The following CAND1 variants were observed in gnomAD, a reference collection of about 807,000 sequenced individuals.
CAND1 encodes the protein cullin-associated NEDD8-dissociated protein 1.
In CAND1, 7 loss-of-function variants were observed where a neutral mutation model predicts 108.5. The ratio of observed to expected loss-of-function variants is 0.06; its 90% CI spans 0.04 to 0.12. The LOEUF is 0.12. Ranked by LOEUF, CAND1 falls within the 10% of genes least tolerant of loss-of-function variation. The pLI, the probability that CAND1 is intolerant of heterozygous loss-of-function variation, is 1.00. For missense variants in CAND1, 941 were observed against 1,448.7 expected, an observed-to-expected ratio of 0.65 and a Z score of 5.69; for synonymous variants, 534 against 512.0, an observed-to-expected ratio of 1.04 and a Z score of -0.58.
At chr12:67,294,230 A>G (rs1473892665) in intron 3 of CAND1, among the ~76,000 whole-genome samples, 1 of 152,140 alleles carries the variant, frequency 6.6e-6, no homozygotes, top group African/African-American at 2.4e-5. Flanking sequence ...TCAGATTCTT[A>G]CTTTCACAGT....
rs115284440 is a variant in CAND1 at position 67,295,614 on chromosome 12, T to A, written c.491+458T>A. ...TTGCTTTTTCACTTTCCTTTGGAAG[T>A]CAGATGTTAGAACATAGACAGACCT... On this transcript the variant is annotated intron_variant, in intron 4 of 14. Coordinates refer to ENST00000545606, the MANE Select transcript of CAND1 (RefSeq NM_018448.5). 2.7e-3 allele frequency among the ~76,000 whole-genome samples: 405 copies of A among 152,270 alleles called. 1 individual carries two copies. Among genetic ancestry groups the A allele is most frequent in the African/African-American group, 9.5e-3 (395 of 41,552 alleles).
chr12:67,269,966 C>T, intron 1 of CAND1, 181 bp downstream of exon 1: 1 of 554,900 alleles, frequency 1.8e-6, no homozygotes, highest in Non-Finnish European at 3.2e-6. Context: ...TCCCCTCTTG[C>T]AACCCCCTCC....
intron 1 of CAND1, among the ~76,000 whole-genome samples, chr12:67,271,044 TG>T (rs2044516342): frequency 6.6e-6 from 1 of 152,224 alleles, no homozygotes; most frequent in South Asian, 2.1e-4. Flanking sequence ...ATTGATATAC[TG>T]GCTTATTAAA....
Position 67,282,166 on chromosome 12 carries a change from G to T in CAND1, c.212+113G>T, listed in dbSNP as rs909769906. 37 of 1,110,672 alleles carry T rather than the reference G, an allele frequency of 3.3e-5. No individual in the cohort carries two copies. The Admixed American group carries it at 3.5e-4, about 10-fold the overall frequency. 68.8% of individuals were successfully genotyped at this position (1,110,672 alleles called of 1,614,324 possible). On this transcript the variant is annotated intron_variant, in intron 2 of 14. Coordinates refer to ENST00000545606, the MANE Select transcript of CAND1 (RefSeq NM_018448.5). ...GCCTTGTACTATCTCTTTCTAGTGT[G>T]TGTGTGTAGAATTTTTAGGTGACTA... is the stretch of plus-strand genomic sequence containing the variant.
At position 67,312,861 on chromosome 12, in the gene CAND1, T is replaced by A. The variant is rs1347734613; in HGVS notation, c.*31T>A. 1.5e-6 allele frequency: 2 copies of A among 1,371,774 alleles called. No homozygotes were observed. The highest frequency in any genetic ancestry group is 1.8e-5 in the Admixed American group (1 of 54,650). 85.0% of individuals were successfully genotyped at this position (1,371,774 alleles called of 1,614,324 possible). On this transcript the variant is annotated 3_prime_UTR_variant, in exon 15 of 15. Transcript: ENST00000545606. ...TGTTCACCATGGGGACCATTACATA[T>A]GACCATACAATGCACTGAATTGACA...
intron 14 of CAND1, among the ~76,000 whole-genome samples, 181 bp from the exon 15 acceptor site, chr12:67,312,425 C>T (rs2044961363): frequency 6.6e-6 from 1 of 151,664 alleles, no homozygotes; most frequent in African/African-American, 2.4e-5. Context: ...TAAAATATTC[C>T]CTTAAAAGAA....
At chr12:67,285,179 C>G (rs1000707345) in intron 2 of CAND1, among the ~76,000 whole-genome samples, 101 of 152,124 alleles carry the variant, frequency 6.6e-4, no homozygotes, top group African/African-American at 2.4e-3. Flanking sequence ...ACAGTGGTGA[C>G]CTTGTATTGC....
intron 1 of CAND1, chr12:67,270,013 C>G (rs779471626): frequency 7.9e-6 from 4 of 503,570 alleles, no homozygotes; most frequent in Non-Finnish European, 1.4e-5. Context: ...CCGCCGCGGT[C>G]TCTAGGCCCC....
chr12:67,316,149 A>G lies in CAND1; in HGVS notation c.*3319A>G, dbSNP rs2045005614. ...TTCAAACCACTGCTACCCCAGATTC[A>G]TACCTGTTTTTGAAATCTTGTTTAT... On this transcript the variant is annotated 3_prime_UTR_variant, in exon 15 of 15. Transcript: ENST00000545606. 6.6e-6 allele frequency: 1 copy of G among 152,212 alleles called. No homozygotes were observed. Among genetic ancestry groups the G allele is most frequent in the Non-Finnish European group, 1.5e-5 (1 of 68,030 alleles). The allele number at this position is 152,212 out of a possible 1,614,324, so 9.4% of individuals were successfully genotyped here.
chr12:67,281,270 C>T (rs925255436), intron 1 of CAND1, among the ~76,000 whole-genome samples: 2 of 151,756 alleles, frequency 1.3e-5, no homozygotes, highest in African/African-American at 2.4e-5. Flanking sequence ...GCGGAGGTTG[C>T]GGTGAGCCGA....
intron 11 of CAND1, 140 bp from the exon 12 acceptor site, chr12:67,309,761 A>C: frequency 1.7e-6 from 1 of 573,916 alleles, no homozygotes; most frequent in Non-Finnish European, 3.0e-6. Context: ...TTAGTGTTTC[A>C]TCAGGTTCTT....
chr12:67,304,506 A>G (rs1265815868), intron 8 of CAND1, 99 bp from the exon 9 acceptor site: 2 of 1,285,330 alleles, frequency 1.6e-6, no homozygotes, highest in East Asian at 2.3e-5. Context: ...ACAAAAAAAG[A>G]TAAACTCTTC....
rs76825660 is a variant in CAND1 at position 67,313,954 on chromosome 12, T to G, written c.*1124T>G. 6.5e-6 allele frequency: 1 copy of G among 152,728 alleles called. No homozygotes were observed. The highest frequency in any genetic ancestry group is 1.5e-5 in the Non-Finnish European group (1 of 67,996). 9.5% of individuals were successfully genotyped at this position (152,728 alleles called of 1,614,324 possible). On this transcript the variant is annotated 3_prime_UTR_variant, in exon 15 of 15. Transcript: ENST00000545606. ...GAATTTACATATTGTATTGGGTAAG[T>G]GTTCACTACTTTTCCTGATTAAGGG...
Position 67,298,990 on chromosome 12 carries a change from A to G in CAND1, c.895A>G (p.Asn299Asp). 1 of 1,534,334 alleles carries G rather than the reference A, an allele frequency of 6.5e-7. No homozygotes were observed. Among genetic ancestry groups the G allele is most frequent in the Non-Finnish European group, 9.0e-7 (1 of 1,109,546 alleles). The change falls in exon 7 of 15, where the codon AAT becomes GAT. Residue 299 changes from asparagine to aspartate, a missense_variant. Coordinates refer to ENST00000545606, the MANE Select transcript of CAND1 (RefSeq NM_018448.5). ...ATATCCTCATGTTTCTACCATTATA[A>G]ATATTTGTCTTAAATATCTTACCTA... ...EVYPHVSTII[N>D]ICLKYLTYDP...
At position 67,315,067 on chromosome 12, in the gene CAND1, C is replaced by A. The variant is rs1004147677; in HGVS notation, c.*2237C>A. The stretch of plus-strand genomic sequence containing the variant: ...CTTAGGAATTTGTCACATGTAGGTT[C>A]CTGAGGAGATCTAAAAGTTAATACA... On this transcript the variant is annotated 3_prime_UTR_variant, in exon 15 of 15. Coordinates refer to ENST00000545606, the MANE Select transcript of CAND1 (RefSeq NM_018448.5). The A allele has an allele frequency of 1.1e-4, 17 of 152,240 alleles. No individual in the cohort carries two copies. The highest frequency in any genetic ancestry group is 3.3e-4 in the Admixed American group (5 of 15,282). 9.4% of individuals were successfully genotyped at this position (152,240 alleles called of 1,614,324 possible).
chr12:67,285,558 G>A (rs552333657), intron 2 of CAND1, among the ~76,000 whole-genome samples: 1 of 152,224 alleles, frequency 6.6e-6, no homozygotes, highest in South Asian at 2.1e-4. Flanking sequence ...AAGCAGTGAG[G>A]TAGTGGGGCA....
intron 7 of CAND1, among the ~76,000 whole-genome samples, chr12:67,301,586 G>C (rs2044825280): frequency 6.6e-6 from 1 of 152,128 alleles, no homozygotes; most frequent in African/African-American, 2.4e-5. Flanking sequence ...ACAATTCTTA[G>C]TGCTTTTGCT....
At chr12:67,308,122 G>T (rs921840855) in intron 11 of CAND1, among the ~76,000 whole-genome samples, 1 of 151,920 alleles carries the variant, frequency 6.6e-6, no homozygotes. Context: ...TTTGATAATA[G>T]CCAAAAACAC....
At chr12:67,272,665 A>G (rs947934495) in intron 1 of CAND1, among the ~76,000 whole-genome samples, 2 of 152,140 alleles carry the variant, frequency 1.3e-5, no homozygotes. Flanking sequence ...ACTCTGCCAT[A>G]TGCAGGGTTT....
Sources: allele counts gnomAD v4.1 joint callset (sites outside exome capture counted in the v4.1 genomes callset), GRCh38; gene constraint gnomAD v4.1.1; transcripts MANE v1.5; gene names NCBI Gene and HGNC (gene_info 2026-07-23, HGNC 2026-07-21).